NRDE2: variants seen among roughly 807,000 people sequenced by gnomAD.
NRDE2 encodes NRDE-2, necessary for RNA interference, domain containing, also known as nuclear exosome regulator NRDE2.
A neutral mutation model predicts 124.2 loss-of-function variants in NRDE2; 76 were observed. That is an observed-to-expected ratio of 0.61 (90% confidence interval 0.51 to 0.74). The LOEUF (loss-of-function observed/expected upper bound fraction) is 0.74, where lower values mean the gene tolerates loss of function less well. Among genes scored for constraint, NRDE2 ranks in the 30% least tolerant of loss-of-function variants. The pLI, the probability that NRDE2 is intolerant of heterozygous loss-of-function variation, is 0.00. For missense variants in NRDE2, 1,314 were observed against 1,417.3 expected, an observed-to-expected ratio of 0.93 and a Z score of 1.17; for synonymous variants, 489 against 528.1, an observed-to-expected ratio of 0.93 and a Z score of 1.01.
At chr14:90,319,596 T>C (rs1008915594) in intron 1 of NRDE2, among the ~76,000 whole-genome samples, 13 of 152,122 alleles carry the variant, frequency 8.5e-5, no homozygotes, top group Non-Finnish European at 1.5e-4. Flanking sequence ...GCTCATATAA[T>C]ATACGTGGTC....
intron 12 of NRDE2, among the ~76,000 whole-genome samples, chr14:90,286,045 G>T (rs539565033): frequency 6.6e-6 from 1 of 152,148 alleles, no homozygotes; most frequent in Non-Finnish European, 1.5e-5. Flanking sequence ...GCAAGTTACC[G>T]ACTTAAGTCA....
At chr14:90,283,633 C>T (rs1892014932) in intron 12 of NRDE2, among the ~76,000 whole-genome samples, 4 of 151,992 alleles carry the variant, frequency 2.6e-5, no homozygotes, top group South Asian at 2.1e-4. Flanking sequence ...AGCTCACACA[C>T]GAGTCAAACC....
At chr14:90,323,659 G>T (rs898968755) in intron 1 of NRDE2, among the ~76,000 whole-genome samples, 1 of 152,162 alleles carries the variant, frequency 6.6e-6, no homozygotes, top group African/African-American at 2.4e-5. Flanking sequence ...CATTTAAGAT[G>T]ATTATTACAG....
At position 90,304,088 on chromosome 14, in the gene NRDE2, T is replaced by C. The variant is rs1884508250; in HGVS notation, c.852A>G (p.Gln284=). The C allele has an allele frequency of 6.2e-7, 1 of 1,614,110 alleles. No individual in the cohort carries two copies. The highest frequency in any genetic ancestry group is 2.2e-5 in the East Asian group (1 of 44,900). Residue 284 remains glutamine, a synonymous_variant, in exon 5 of 14, where the codon CAA becomes CAG. Transcript: ENST00000354366. The part of the protein sequence containing the change: ...IYDQSTTHWL[Q]GQGPPEQESK... ...ATTCCTGCTCTGGAGGACCCTGTCC[T>C]TGTAGCCAATGTGTGGTTGACTGAT...
At chr14:90,297,467 G>T (rs1403032288) in intron 8 of NRDE2, among the ~76,000 whole-genome samples, 1 of 152,032 alleles carries the variant, frequency 6.6e-6, no homozygotes, top group Non-Finnish European at 1.5e-5. Context: ...TTTCTATTGG[G>T]CAGCTCTGTA....
chr14:90,326,651 C>G (rs1885451770), intron 1 of NRDE2, among the ~76,000 whole-genome samples: 1 of 152,030 alleles, frequency 6.6e-6, no homozygotes. Flanking sequence ...GAAGGTTTTT[C>G]TCCTCTGAAT....
chr14:90,279,611 C>G (rs1891898203), intron 12 of NRDE2: 1 of 153,424 alleles, frequency 6.5e-6, no homozygotes. Context: ...GGACTGTGAT[C>G]ACTGACCTTA....
intron 11 of NRDE2, 38 bp from the exon 12 acceptor site, chr14:90,286,530 C>A: frequency 1.2e-6 from 2 of 1,600,544 alleles, no homozygotes; most frequent in South Asian, 1.1e-5. Flanking sequence ...GACACAAGCT[C>A]TCTCATCCTA....
At chr14:90,304,962 A>G (rs1292123348) in intron 4 of NRDE2, among the ~76,000 whole-genome samples, 3 of 152,206 alleles carry the variant, frequency 2.0e-5, no homozygotes, top group Non-Finnish European at 2.9e-5. Context: ...TTGGGTTCTA[A>G]AACGCTTTTA....
chr14:90,315,895 T>C (rs1314399348), intron 3 of NRDE2, among the ~76,000 whole-genome samples: 1 of 146,838 alleles, frequency 6.8e-6, no homozygotes, highest in East Asian at 2.0e-4. Flanking sequence ...AGGTAAAGGT[T>C]GTGGTGAGCT....
Position 90,268,568 on chromosome 14 carries a change from C to T in NRDE2, c.*9768G>A. Reference sequence around the variant, plus strand: ...GCTTTAGGCTCTGCTCTCCCAGGAGCCAGCTAACAACTGCCCAGTAACTGT... The same window carrying T: ...GCTTTAGGCTCTGCTCTCCCAGGAGTCAGCTAACAACTGCCCAGTAACTGT... On this transcript the variant is annotated 3_prime_UTR_variant, in exon 14 of 14. Transcript: ENST00000354366. 1 of 701,250 alleles carries T rather than the reference C, an allele frequency of 1.4e-6. No individual in the cohort carries two copies. Among genetic ancestry groups the T allele is most frequent in the South Asian group, 1.8e-5 (1 of 54,242 alleles). The allele number at this position is 701,250 out of a possible 1,614,324, so 43.4% of individuals were successfully genotyped here.
chr14:90,323,379 A>G (rs1461282441), intron 1 of NRDE2, among the ~76,000 whole-genome samples: 1 of 152,242 alleles, frequency 6.6e-6, no homozygotes, highest in Non-Finnish European at 1.5e-5. Flanking sequence ...ATTTTTAACT[A>G]TAATTGGATA....
intron 1 of NRDE2, among the ~76,000 whole-genome samples, chr14:90,327,458 C>A (rs915674577): frequency 2.0e-5 from 3 of 151,760 alleles, no homozygotes; most frequent in Non-Finnish European, 4.4e-5. Flanking sequence ...CTGAGACAGG[C>A]GGACTGCTTG....
intron 1 of NRDE2, among the ~76,000 whole-genome samples, chr14:90,320,355 G>C (rs1885198278): frequency 6.6e-6 from 1 of 152,168 alleles, no homozygotes; most frequent in Non-Finnish European, 1.5e-5. Flanking sequence ...AAGAGCAAAG[G>C]GGGAAGAGCC....
In NRDE2 at chr14:90,293,186, C is replaced by T. The variant is rs183568109; in HGVS notation, c.1667-314G>A. Among the ~76,000 whole-genome samples, 4 of 152,230 alleles carry T rather than the reference C, an allele frequency of 2.6e-5. No individual in the cohort carries two copies. In the East Asian group the frequency reaches 5.8e-4, roughly 22 times the overall value. On this transcript the variant is annotated intron_variant, in intron 8 of 13. Transcript: ENST00000354366. ...ATGATGAAAATGCCCTACATACCTG[C>T]ATTAACAGGGTAGCCACATGTGACT... is the stretch of plus-strand genomic sequence containing the variant.
intron 12 of NRDE2, among the ~76,000 whole-genome samples, chr14:90,284,644 C>T (rs1305290842): frequency 6.6e-6 from 1 of 152,166 alleles, no homozygotes; most frequent in African/African-American, 2.4e-5. Flanking sequence ...GCTGGGATCA[C>T]AGGCATGAGC....
chr14:90,321,905 G>A (rs1279235141), intron 1 of NRDE2, among the ~76,000 whole-genome samples: 1 of 152,136 alleles, frequency 6.6e-6, no homozygotes, highest in African/African-American at 2.4e-5. Flanking sequence ...TCTCTAGTTG[G>A]GAGTTCAGAG....
Position 90,301,321 on chromosome 14 carries a change from T to G in NRDE2, c.1463A>C (p.Lys488Thr), listed in dbSNP as rs1476927616. 21 of 1,613,542 alleles carry G rather than the reference T, an allele frequency of 1.3e-5. No individual in the cohort carries two copies. Among genetic ancestry groups the G allele is most frequent in the Non-Finnish European group, 1.7e-5 (20 of 1,179,766 alleles). The change falls in exon 7 of 14, where the codon AAG becomes ACG. Residue 488 changes from lysine (K) to threonine (T), a missense_variant. Coordinates refer to ENST00000354366, the MANE Select transcript of NRDE2 (RefSeq NM_017970.4). ...HFLRQAGHSE[K>T]AISLFQAMVD... ...CATGGCCTGGAACAATGAGATGGCC[T>G]TCTCAGAGTGGCCAGCCTGCCGCAG...
chr14:90,267,946 G>A lies in NRDE2; in HGVS notation c.*10390C>T, dbSNP rs534652728. On this transcript the variant is annotated 3_prime_UTR_variant, in exon 14 of 14. Transcript: ENST00000354366. ...TTCGCAGCTTTTCAGGGGAAACTGGGTCAAGGTTGGAAAATAACCAAGTAA... is the reference window on the plus strand; with the variant it reads ...TTCGCAGCTTTTCAGGGGAAACTGGATCAAGGTTGGAAAATAACCAAGTAA... 3.1e-6 allele frequency: 1 copy of A among 318,442 alleles called. No homozygotes were observed. Among genetic ancestry groups the A allele is most frequent in the South Asian group, 6.6e-5 (1 of 15,156 alleles). 19.7% of individuals were successfully genotyped at this position (318,442 alleles called of 1,614,324 possible).
Sources: allele counts gnomAD v4.1 joint callset (sites outside exome capture counted in the v4.1 genomes callset), GRCh38; gene constraint gnomAD v4.1.1; transcripts MANE v1.5; gene names NCBI Gene and HGNC (gene_info 2026-07-23, HGNC 2026-07-21).